Variants in BCR observed in about 807,000 individuals in gnomAD.
BCR encodes the protein BCR activator of RhoGEF and GTPase.
A neutral mutation model predicts 138.6 loss-of-function variants in BCR; 58 were observed. The observed-to-expected ratio is 0.42, with a 90% confidence interval of 0.34 to 0.52. The LOEUF (loss-of-function observed/expected upper bound fraction) is 0.52, where lower values mean the gene tolerates loss of function less well. BCR is among the 20% of genes least tolerant of loss of function. BCR has a pLI of 0.06. For synonymous variants in BCR, 786 were observed against 730.1 expected, an observed-to-expected ratio of 1.08 and a Z score of -1.23; for missense variants, 1,599 against 1,727.2, an observed-to-expected ratio of 0.93 and a Z score of 1.32.
At chr22:23,229,035 G>A (rs986047548) in intron 1 of BCR, among the ~76,000 whole-genome samples, 4 of 151,976 alleles carry the variant, frequency 2.6e-5, no homozygotes, top group South Asian at 2.1e-4. Context: ...GATGCTTGAG[G>A]TTTTATTCCA....
intron 2 of BCR, among the ~76,000 whole-genome samples, chr22:23,258,000 CG>C (rs1568958433): frequency 2.6e-5 from 4 of 152,104 alleles, no homozygotes; most frequent in African/African-American, 9.7e-5. Flanking sequence ...CAGGCACAGC[CG>C]TGGCCTGGAG....
chr22:23,309,333 G>A, intron 16 of BCR, 91 bp from the exon 17 acceptor site: 1 of 1,063,520 alleles, frequency 9.4e-7, no homozygotes, highest in Non-Finnish European at 1.4e-6. Flanking sequence ...CTCTGACTAA[G>A]GGTTGGGGAA....
chr22:23,282,880 G>A (rs9612280), intron 8 of BCR, among the ~76,000 whole-genome samples: 5 of 152,182 alleles, frequency 3.3e-5, no homozygotes, highest in African/African-American at 9.6e-5. Flanking sequence ...TCTCTGCCAC[G>A]AGGTTGTGGA....
intron 1 of BCR, among the ~76,000 whole-genome samples, chr22:23,189,913 T>C (rs2072393199): frequency 6.6e-6 from 1 of 152,242 alleles, no homozygotes; most frequent in Admixed American, 6.5e-5. Flanking sequence ...CTTCACGCCC[T>C]TAGCTTTGAA....
chr22:23,205,379 C>T (rs2072599528), intron 1 of BCR, among the ~76,000 whole-genome samples: 2 of 152,250 alleles, frequency 1.3e-5, no homozygotes, highest in Non-Finnish European at 2.9e-5. Flanking sequence ...CCTGAAGACC[C>T]TCCTTCTCCT....
chr22:23,265,354 G>A (rs189979803), intron 4 of BCR, among the ~76,000 whole-genome samples: 3 of 152,362 alleles, frequency 2.0e-5, no homozygotes, highest in East Asian at 1.9e-4. Flanking sequence ...AGATAGGCCC[G>A]GTGCCTGCCC....
intron 1 of BCR, among the ~76,000 whole-genome samples, chr22:23,231,872 C>T (rs12484652): frequency 0.025 from 3,732 of 152,268 alleles, 106 homozygotes; most frequent in Admixed American, 0.094. Flanking sequence ...ACGTCTCAGG[C>T]TTTGGGGTCT....
At chr22:23,213,491 C>A (rs2072711046) in intron 1 of BCR, among the ~76,000 whole-genome samples, 1 of 152,220 alleles carries the variant, frequency 6.6e-6, no homozygotes, top group Non-Finnish European at 1.5e-5. Flanking sequence ...GAGATCCCCT[C>A]TAGGGTAAGG....
intron 5 of BCR, among the ~76,000 whole-genome samples, chr22:23,270,181 C>T (rs376264812): frequency 1.5e-4 from 23 of 152,086 alleles, no homozygotes; most frequent in Non-Finnish European, 2.6e-4. Flanking sequence ...CGTGGGAGTT[C>T]GAAGATCACC....
At chr22:23,211,489 G>A (rs889979283) in intron 1 of BCR, among the ~76,000 whole-genome samples, 2 of 146,562 alleles carry the variant, frequency 1.4e-5, no homozygotes, top group African/African-American at 5.1e-5. Flanking sequence ...TGACCACTGC[G>A]CCCGGCCCTT....
intron 16 of BCR, 98 bp downstream of exon 16, chr22:23,295,253 G>T: frequency 8.4e-7 from 1 of 1,185,032 alleles, no homozygotes; most frequent in East Asian, 2.9e-5. Flanking sequence ...TGCACCCAGG[G>T]TGGGGTGGGG....
chr22:23,242,274 C>G (rs1034407469), intron 1 of BCR, among the ~76,000 whole-genome samples: 2 of 152,122 alleles, frequency 1.3e-5, no homozygotes, highest in African/African-American at 4.8e-5. Flanking sequence ...GGGGTGTAAA[C>G]CTGGTGGAAG....
At chr22:23,182,365 G>A (rs2072280911) in intron 1 of BCR, 126 bp downstream of exon 1, 8 of 1,152,524 alleles carry the variant, frequency 6.9e-6, no homozygotes, top group Non-Finnish European at 9.5e-6. Flanking sequence ...AGGTGCACTT[G>A]TGGTTCACGC....
chr22:23,185,581 C>G (rs528044641), intron 1 of BCR, among the ~76,000 whole-genome samples: 23 of 151,396 alleles, frequency 1.5e-4, no homozygotes, highest in Admixed American at 5.9e-4. Context: ...AGGAGAATGG[C>G]GTGAACTAGG....
intron 1 of BCR, among the ~76,000 whole-genome samples, chr22:23,223,350 A>G (rs2072849957): frequency 6.6e-6 from 1 of 152,152 alleles, no homozygotes; most frequent in South Asian, 2.1e-4. Flanking sequence ...GTGTCCATGT[A>G]TGGCTGTGTG....
chr22:23,254,912 C>T (rs573723086), intron 2 of BCR, among the ~76,000 whole-genome samples: 6 of 152,106 alleles, frequency 3.9e-5, no homozygotes, highest in Non-Finnish European at 8.8e-5. Flanking sequence ...CCTATAATCC[C>T]AGCGACTCAG....
chr22:23,284,326 G>A (rs186839484), intron 9 of BCR, among the ~76,000 whole-genome samples: 34 of 152,208 alleles, frequency 2.2e-4, no homozygotes, highest in Admixed American at 1.6e-3. Context: ...AAACCCGACC[G>A]TGGCTTCCGG....
chr22:23,249,460 C>T (rs181473024), intron 1 of BCR, among the ~76,000 whole-genome samples: 34 of 151,256 alleles, frequency 2.2e-4, no homozygotes, highest in African/African-American at 8.2e-4. Flanking sequence ...ATTAGCTGGG[C>T]ATAGTGGCAT....
At chr22:23,298,961 G>A (rs1312296724) in intron 16 of BCR, among the ~76,000 whole-genome samples, 1 of 151,992 alleles carries the variant, frequency 6.6e-6, no homozygotes, top group African/African-American at 2.4e-5. Context: ...TTGTGTTCCT[G>A]CTGCAACAGA....
Sources: gnomAD v4.1 joint callset for allele counts (sites outside exome capture counted in the v4.1 genomes callset) on GRCh38, gnomAD v4.1.1 for gene constraint, MANE v1.5 for transcripts, NCBI Gene and HGNC (gene_info 2026-07-23, HGNC 2026-07-21) for gene names.